The following PCDHA10 variants were observed in gnomAD, a reference collection of about 807,000 sequenced individuals.
PCDHA10 encodes protocadherin alpha-10.
PCDHA10 carries 45 observed loss-of-function variants against 61.2 expected under a neutral mutation model. That is an observed-to-expected ratio of 0.74 (90% CI 0.58 to 0.94). PCDHA10 has a LOEUF of 0.94. PCDHA10 is among the 40% of genes least tolerant of loss of function. The pLI is 0.00. For synonymous variants in PCDHA10, 602 were observed against 548.8 expected, an observed-to-expected ratio of 1.10 and a Z score of -1.35; for missense variants, 1,278 against 1,236.2, an observed-to-expected ratio of 1.03 and a Z score of -0.51.
chr5:140,993,631 G>C (rs1466996708), intron 3 of PCDHA10, among the ~76,000 whole-genome samples: 1 of 152,046 alleles, frequency 6.6e-6, no homozygotes, highest in African/African-American at 2.4e-5. Context: ...ATATATAGTC[G>C]TGTACCAAAT....
chr5:141,009,557 C>T (rs782135260), intron 3 of PCDHA10, 70 bp from the exon 4 acceptor site: 38 of 1,565,272 alleles, frequency 2.4e-5, no homozygotes, highest in Non-Finnish European at 2.8e-5. Flanking sequence ...TACTCCTGTA[C>T]TCTACCAGCA....
At chr5:140,914,248 G>T (rs1228200797) in intron 1 of PCDHA10, among the ~76,000 whole-genome samples, 1 of 151,850 alleles carries the variant, frequency 6.6e-6, no homozygotes, top group Non-Finnish European at 1.5e-5. Flanking sequence ...TTTATATCTG[G>T]GTGCTTCAAT....
Position 141,010,316 on chromosome 5 carries a change from G to T in PCDHA10, c.*379G>T. ...GGGCAGGCTGAAAAGTTTTGAGATT[G>T]AGCAGCTTGGGAGTTTGTGGCCACT... On this transcript the variant is annotated 3_prime_UTR_variant, in exon 4 of 4. Coordinates refer to ENST00000307360, the MANE Select transcript of PCDHA10 (RefSeq NM_018901.4). The T allele has an allele frequency of 1.3e-6, 2 of 1,546,404 alleles. No individual in the cohort carries two copies. The highest frequency in any genetic ancestry group is 2.4e-5 in the South Asian group (2 of 83,328).
intron 1 of PCDHA10, chr5:140,966,754 G>A (rs1554228611): frequency 1.4e-6 from 2 of 1,432,146 alleles, no homozygotes; most frequent in South Asian, 3.0e-5. Context: ...TGCCTCCGCC[G>A]CGGCCAGTGG....
At chr5:140,964,841 T>G (rs2095857355) in intron 1 of PCDHA10, among the ~76,000 whole-genome samples, 2 of 152,190 alleles carry the variant, frequency 1.3e-5, no homozygotes, top group Non-Finnish European at 2.9e-5. Context: ...CTTCCTACTC[T>G]GTACCCTTGA....
intron 1 of PCDHA10, among the ~76,000 whole-genome samples, chr5:140,936,092 C>T (rs941947685): frequency 1.3e-5 from 2 of 152,034 alleles, no homozygotes; most frequent in Admixed American, 6.6e-5. Context: ...AGGGTTTCAC[C>T]ATGTTGGCCA....
At chr5:140,994,248 G>A (rs188394827) in intron 3 of PCDHA10, among the ~76,000 whole-genome samples, 1 of 152,238 alleles carries the variant, frequency 6.6e-6, no homozygotes, top group East Asian at 1.9e-4. Flanking sequence ...TCAAACCCTA[G>A]GTAAATAAGG....
At chr5:140,922,841 A>G (rs982832745) in intron 1 of PCDHA10, among the ~76,000 whole-genome samples, 67 of 152,372 alleles carry the variant, frequency 4.4e-4, no homozygotes, top group African/African-American at 1.5e-3. Flanking sequence ...GATGTCCTCA[A>G]AGAGACCAAA....
chr5:140,877,172 C>T, intron 1 of PCDHA10: 2 of 1,613,816 alleles, frequency 1.2e-6, no homozygotes, highest in Non-Finnish European at 1.7e-6. Flanking sequence ...GCACTGCTGG[C>T]GACTCCGGCT....
chr5:140,879,125 A>C (rs1251255000), intron 1 of PCDHA10, among the ~76,000 whole-genome samples: 2 of 152,244 alleles, frequency 1.3e-5, no homozygotes, highest in African/African-American at 2.4e-5. Flanking sequence ...GGATTAGAGC[A>C]GGGGAGATTG....
intron 3 of PCDHA10, among the ~76,000 whole-genome samples, chr5:140,990,910 A>G (rs1460988111): frequency 1.3e-5 from 2 of 152,198 alleles, no homozygotes; most frequent in African/African-American, 2.4e-5. Context: ...GTCAAGTTTT[A>G]TAAGTCTTTA....
chr5:140,937,544 G>A (rs1584916814), intron 1 of PCDHA10, among the ~76,000 whole-genome samples: 1 of 151,510 alleles, frequency 6.6e-6, no homozygotes, highest in South Asian at 2.1e-4. Flanking sequence ...TTGAACCTGC[G>A]AGGCAGAGGT....
chr5:140,941,894 T>G (rs1398323055), intron 1 of PCDHA10, among the ~76,000 whole-genome samples: 2 of 152,230 alleles, frequency 1.3e-5, no homozygotes, highest in African/African-American at 4.8e-5. Context: ...AGCATCTAAG[T>G]AACATTGAAA....
chr5:140,882,555 G>A (rs1554174539), intron 1 of PCDHA10: 1 of 1,614,272 alleles, frequency 6.2e-7, no homozygotes, highest in Admixed American at 1.7e-5. Flanking sequence ...GAGGAGCTGT[G>A]TGGGCGGAGC....
At chr5:140,868,091 GATA>G (rs1310708872) in intron 1 of PCDHA10, 1 of 151,974 alleles carries the variant, frequency 6.6e-6, no homozygotes, top group Non-Finnish European at 1.5e-5. Context: ...TTTATAAAAT[GATA>G]ATAAAATTTA....
intron 1 of PCDHA10, chr5:140,929,724 TA>T (rs2086341478): frequency 4.6e-6 from 1 of 218,158 alleles, no homozygotes; most frequent in Admixed American, 5.9e-5. Flanking sequence ...GTGAAACATT[TA>T]CTTAAACTAT....
chr5:140,975,016 G>T (rs782435284), intron 1 of PCDHA10, among the ~76,000 whole-genome samples: 6 of 152,128 alleles, frequency 3.9e-5, no homozygotes, highest in Non-Finnish European at 8.8e-5. Context: ...AACACAGCTG[G>T]GCTGTGTTGT....
In PCDHA10 at chr5:141,010,363, G is replaced by A; in HGVS notation, c.*426G>A. On this transcript the variant is annotated 3_prime_UTR_variant, in exon 4 of 4. Coordinates refer to ENST00000307360, the MANE Select transcript of PCDHA10 (RefSeq NM_018901.4). ...CACTGGGTATGTGTGGCTACCGCGG[G>A]TATGCGAGTGCCAGATATTGGCTGA... 7 of 1,480,446 alleles carry A rather than the reference G, an allele frequency of 4.7e-6. No homozygotes were observed. The highest frequency in any genetic ancestry group is 5.4e-6 in the Non-Finnish European group (6 of 1,112,646). 91.7% of individuals were successfully genotyped at this position (1,480,446 alleles called of 1,614,324 possible). A position where few individuals can be genotyped will look rare whatever the true frequency, so the allele number is the denominator to read the frequency against.
At position 140,858,005 on chromosome 5, in the gene PCDHA10, C is replaced by T; in HGVS notation, c.1957C>T (p.His653Tyr). 1 of 1,596,884 alleles carries T rather than the reference C, an allele frequency of 6.3e-7. No homozygotes were observed. The highest frequency in any genetic ancestry group is 2.2e-5 in the East Asian group (1 of 44,804). Reference sequence around the variant, plus strand: ...GCGCCTACTGGTGCTGGTGAAGGACCATGGCGAGCCGTCGCTGACGGCCAC... The same window carrying T: ...GCGCCTACTGGTGCTGGTGAAGGACTATGGCGAGCCGTCGCTGACGGCCAC... ...RQRLLVLVKD[H>Y]GEPSLTATAT... The change falls in exon 1 of 4, where the codon CAT becomes TAT. Residue 653 changes from histidine to tyrosine, a missense_variant. By Grantham distance (83) the His-to-Tyr change is moderately conservative. Transcript: ENST00000307360.
Sources: allele counts gnomAD v4.1 joint callset (sites outside exome capture counted in the v4.1 genomes callset), GRCh38; gene constraint gnomAD v4.1.1; transcripts MANE v1.5; gene names NCBI Gene and HGNC (gene_info 2026-07-23, HGNC 2026-07-21).